The following CUX1 variants were observed in gnomAD, a reference collection of about 807,000 sequenced individuals.
CUX1 encodes cut like homeobox 1.
CUX1 carries 31 observed loss-of-function variants against 158.8 expected under a neutral mutation model. That is an observed-to-expected ratio of 0.20 (90% CI 0.15 to 0.26). CUX1 has a LOEUF of 0.26. Ranked by LOEUF, CUX1 falls within the 10% of genes least tolerant of loss-of-function variation. The pLI, the probability that CUX1 is intolerant of heterozygous loss-of-function variation, is 1.00. For synonymous variants in CUX1, 879 were observed against 862.1 expected (o/e 1.02, Z -0.34); for missense variants, 1,589 against 2,014.6 (o/e 0.79, Z 4.04).
chr7:102,150,247 C>G (rs1554503226), intron 8 of CUX1, among the ~76,000 whole-genome samples: 1 of 152,096 alleles, frequency 6.6e-6, no homozygotes, highest in Admixed American at 6.5e-5. Context: ...CCTCTGTGAC[C>G]GGGGTTCAAG....
rs782264210 is a variant in CUX1 at position 102,234,191 on chromosome 7, C to T, written c.3573C>T (p.Asp1191=). 3.1e-6 allele frequency: 5 copies of T among 1,593,224 alleles called. No homozygotes were observed. The Admixed American group carries it at 8.9e-5, about 28-fold the overall frequency. ...TCCGGATGCAGCTGTGGCTGAACGA[C>T]CCCAACAATGTGGAGAAGCTGATGG... ...PFVRMQLWLN[D]PNNVEKLMDM... The change falls in exon 22 of 24, where the codon GAC becomes GAT. Residue 1191 remains aspartate (D), a synonymous_variant. Coordinates refer to ENST00000292535, the MANE Select transcript of CUX1 (RefSeq NM_181552.4).
intron 3 of CUX1, among the ~76,000 whole-genome samples, chr7:102,051,934 G>A (rs1273174221): frequency 2.0e-5 from 3 of 152,108 alleles, no homozygotes; most frequent in Admixed American, 6.6e-5. Context: ...CATACTGGCC[G>A]GGCGCGGTGG....
chr7:101,892,834 C>G (rs1801039214), intron 1 of CUX1, among the ~76,000 whole-genome samples: 1 of 151,994 alleles, frequency 6.6e-6, no homozygotes, highest in Non-Finnish European at 1.5e-5. Context: ...ATGAAAGGCC[C>G]CCAAAATTAG....
At chr7:101,886,399 CTG>C (rs540821716) in intron 1 of CUX1, among the ~76,000 whole-genome samples, 104 of 152,240 alleles carry the variant, frequency 6.8e-4, no homozygotes, top group African/African-American at 2.4e-3. Context: ...TGGGGCTTCA[CTG>C]TGTTGCCCAG....
chr7:102,215,901 A>G (rs1432370820), intron 20 of CUX1, among the ~76,000 whole-genome samples: 5 of 152,224 alleles, frequency 3.3e-5, no homozygotes, highest in African/African-American at 1.2e-4. Context: ...GGGCAGACGC[A>G]GCATCCTCCA....
chr7:102,160,674 T>TA (rs781933627), intron 9 of CUX1, among the ~76,000 whole-genome samples: 1 of 152,038 alleles, frequency 6.6e-6, no homozygotes, highest in Admixed American at 6.6e-5. Flanking sequence ...CCAGGGGAAA[T>TA]ACGCCAGTCA....
At chr7:102,040,782 G>A (rs1821969462) in intron 3 of CUX1, among the ~76,000 whole-genome samples, 2 of 152,116 alleles carry the variant, frequency 1.3e-5, no homozygotes, top group Non-Finnish European at 1.5e-5. Context: ...CAGTCCAGGC[G>A]CTGCCGCCCA....
At chr7:102,059,563 T>C (rs1189619104) in intron 3 of CUX1, among the ~76,000 whole-genome samples, 3 of 140,642 alleles carry the variant, frequency 2.1e-5, no homozygotes, top group Non-Finnish European at 4.5e-5. Context: ...ACCCGGGAGG[T>C]GGAGGTTGCA....
chr7:102,168,883 CTTTT>C (rs1226058657), intron 9 of CUX1, among the ~76,000 whole-genome samples: 1 of 114,502 alleles, frequency 8.7e-6, no homozygotes, highest in East Asian at 2.1e-4. Context: ...CTTGGCCAGG[CTTTT>C]CTTTTCTTTT....
Position 102,253,194 on chromosome 7 carries a change from G to T in CUX1, c.*4152G>T. The T allele has an allele frequency of 2.0e-6, 2 of 985,478 alleles. No individual in the cohort carries two copies. The highest frequency in any genetic ancestry group is 2.4e-6 in the Non-Finnish European group (2 of 829,982). 61.0% of individuals were successfully genotyped at this position (985,478 alleles called of 1,614,324 possible). On this transcript the variant is annotated 3_prime_UTR_variant, in exon 24 of 24. Transcript: ENST00000292535. ...GGACGTTCAGGTCTGCTGGTTGGCG[G>T]TCCGGGCCCAGAGTGCAGCAGAGCT...
intron 2 of CUX1, among the ~76,000 whole-genome samples, chr7:101,943,492 G>A (rs1394371242): frequency 6.6e-6 from 1 of 151,948 alleles, no homozygotes; most frequent in Non-Finnish European, 1.5e-5. Context: ...GCGCGGCGGC[G>A]GCTGACGTCA....
rs1481753474 is a variant in CUX1 at position 102,248,873 on chromosome 7, C to G, written c.4349C>G (p.Pro1450Arg). Reference sequence around the variant, plus strand: ...AGCAACAGCAGCAGCAGCAGCGCCCCCCGCAGGCCCAGCTCGCTGCAGAGC... The same window carrying G: ...AGCAACAGCAGCAGCAGCAGCGCCCGCCGCAGGCCCAGCTCGCTGCAGAGC... ...PPSNSSSSSA[P>R]RRPSSLQSLF... is the part of the protein sequence containing the mutation. Residue 1450 changes from proline to arginine, a missense_variant, in exon 24 of 24, where the codon CCC (proline) becomes CGC (arginine). Physicochemically the swap from Pro to Arg is moderately radical, Grantham distance 103. Coordinates refer to ENST00000292535, the MANE Select transcript of CUX1 (RefSeq NM_181552.4). The surrounding 1 kb of genome is among the most constrained non-coding windows in gnomAD (Gnocchi z 5.8). 4 of 1,323,542 alleles carry G rather than the reference C, an allele frequency of 3.0e-6. No homozygotes were observed. The highest frequency in any genetic ancestry group is 3.9e-6 in the Non-Finnish European group (4 of 1,029,766). 82.0% of individuals were successfully genotyped at this position (1,323,542 alleles called of 1,614,324 possible). A position where few individuals can be genotyped will look rare whatever the true frequency, so the allele number is the denominator to read the frequency against.
chr7:102,255,837 A>T lies in CUX1; in HGVS notation c.*6795A>T. 1.0e-6 allele frequency: 1 copy of T among 982,402 alleles called. No individual in the cohort carries two copies. Among genetic ancestry groups the T allele is most frequent in the Non-Finnish European group, 1.2e-6 (1 of 827,564 alleles). The allele number at this position is 982,402 out of a possible 1,614,324, so 60.9% of individuals were successfully genotyped here. A position where few individuals can be genotyped will look rare whatever the true frequency, so the allele number is the denominator to read the frequency against. On this transcript the variant is annotated 3_prime_UTR_variant, in exon 24 of 24. Coordinates refer to ENST00000292535, the MANE Select transcript of CUX1 (RefSeq NM_181552.4). ...TTTCCTTCTTCTTTTTTATTATTTT[A>T]TTATTTTTTTTGTACTTTGCTTTAA...
chr7:102,051,129 G>A (rs958944093), intron 3 of CUX1, among the ~76,000 whole-genome samples: 10 of 152,026 alleles, frequency 6.6e-5, no homozygotes, highest in African/African-American at 2.4e-4. Context: ...CGTATCCCCA[G>A]TCACCTCCTC....
At chr7:101,883,643 C>T (rs777590067) in intron 1 of CUX1, among the ~76,000 whole-genome samples, 38 of 151,266 alleles carry the variant, frequency 2.5e-4, no homozygotes, top group Non-Finnish European at 4.4e-4. Flanking sequence ...TGGAGTTTCA[C>T]TCTTGTTGCC....
At position 102,216,673 on chromosome 7, in the gene CUX1, ACACACACACTCCCC is replaced by A. The variant is rs1254315402; in HGVS notation, c.3131-10680_3131-10667del. Among the ~76,000 whole-genome samples the A allele has an allele frequency of 1.8e-4, 9 of 49,114 alleles. No individual in the cohort carries two copies. In the East Asian group the frequency reaches 6.7e-3, roughly 37 times the overall value. 32.2% of individuals were successfully genotyped at this position (49,114 alleles called of 152,430 possible). A position where few individuals can be genotyped will look rare whatever the true frequency, so the allele number is the denominator to read the frequency against. ...CACACACTCTCCCACACACACTCAC[ACACACACACTCCCC>A]CACACACACTCCCACACGCACTCTC... On this transcript the variant is annotated intron_variant, in intron 20 of 23. Transcript: ENST00000292535.
chr7:101,907,718 C>A (rs781582340), intron 1 of CUX1, among the ~76,000 whole-genome samples: 1 of 152,030 alleles, frequency 6.6e-6, no homozygotes, highest in Non-Finnish European at 1.5e-5. Context: ...TTAAATGGAG[C>A]CCACGAAGAG....
At chr7:102,143,562 T>C (rs904787001) in intron 8 of CUX1, among the ~76,000 whole-genome samples, 2 of 152,104 alleles carry the variant, frequency 1.3e-5, no homozygotes, top group African/African-American at 4.8e-5. Flanking sequence ...TGTGAGTCAC[T>C]GCGCCTGGCC....
chr7:102,051,167 C>G (rs967716612), intron 3 of CUX1, among the ~76,000 whole-genome samples: 7 of 152,118 alleles, frequency 4.6e-5, no homozygotes, highest in African/African-American at 1.7e-4. Flanking sequence ...GGTCCCTGCC[C>G]TTCTCTGAGC....
Sources: allele counts gnomAD v4.1 joint callset (sites outside exome capture counted in the v4.1 genomes callset), GRCh38; gene constraint gnomAD v4.1.1; non-coding constraint Gnocchi (gnomAD v3.1); transcripts MANE v1.5; gene names NCBI Gene and HGNC (gene_info 2026-07-23, HGNC 2026-07-21).